Variants in RBM26 observed in about 807,000 individuals in gnomAD.
The protein encoded by RBM26 is RNA-binding protein 26.
RBM26 carries 30 observed loss-of-function variants against 123.6 expected under a neutral mutation model. The observed-to-expected ratio is 0.24, with a 90% CI of 0.18 to 0.33. RBM26 has a LOEUF of 0.33. Among genes scored for constraint, RBM26 ranks in the 10% least tolerant of loss-of-function variants. The probability of loss-of-function intolerance (pLI) is 1.00; values close to 1 mark genes in which losing one functional copy is unlikely to be tolerated. For synonymous variants in RBM26, 400 were observed against 404.4 expected (o/e 0.99, Z 0.13); for missense variants, 947 against 1,203.6 (o/e 0.79, Z 3.15).
At position 79,359,677 on chromosome 13, in the gene RBM26, G is replaced by A. The variant is rs1257700667; in HGVS notation, c.1427C>T (p.Pro476Leu). Residue 476 changes from proline to leucine, a missense_variant, in exon 10 of 22, where the codon CCC becomes CTC. Physicochemically the swap from Pro to Leu is moderately conservative, Grantham distance 98. This residue lies in a region of RBM26 where 493 missense variants were observed against 563.1 expected (regional missense o/e 0.88). Transcript: ENST00000438737. ...DMDLPPREKP[P>L]NKSSMRIVVD... The stretch of plus-strand genomic sequence containing the variant: ...TACTATCCTCATACTGCTTTTATTG[G>A]GAGGCTTTTCTGTTTTAAAACAAAA... The A allele has an allele frequency of 6.5e-7, 1 of 1,535,702 alleles. No homozygotes were observed. Among genetic ancestry groups the A allele is most frequent in the South Asian group, 1.3e-5 (1 of 78,700 alleles).
chr13:79,354,116 T>G (rs1283532546), intron 13 of RBM26, among the ~76,000 whole-genome samples: 1 of 152,146 alleles, frequency 6.6e-6, no homozygotes, highest in Non-Finnish European at 1.5e-5. Flanking sequence ...AAAAATAAGA[T>G]TTAATGTACT....
At chr13:79,374,904 A>G (rs891803969) in intron 3 of RBM26, among the ~76,000 whole-genome samples, 5 of 151,598 alleles carry the variant, frequency 3.3e-5, no homozygotes, top group African/African-American at 1.2e-4. Flanking sequence ...ACATCAATAG[A>G]TAATAAGACT....
chr13:79,405,770 A>G lies in RBM26; in HGVS notation c.5T>C (p.Val2Ala). The change falls in exon 1 of 22, where the codon GTT (valine) becomes GCT (alanine). Residue 2 changes from valine to alanine, a missense_variant. This residue lies in a region of RBM26 where 275 missense variants were observed against 361.0 expected (regional missense o/e 0.76). Coordinates refer to ENST00000438737, the MANE Select transcript of RBM26 (RefSeq NM_001366735.2). M[V>A]SKMIIENFEA... ...GAAGTTTTCAATGATCATTTTAGAA[A>G]CCATCCACAGCGGCCCTAAGGCCCG... 6.3e-7 allele frequency: 1 copy of G among 1,589,132 alleles called. No individual in the cohort carries two copies.
chr13:79,339,379 T>C (rs2070993629), intron 18 of RBM26, among the ~76,000 whole-genome samples: 1 of 152,104 alleles, frequency 6.6e-6, no homozygotes, highest in Admixed American at 6.5e-5. Context: ...TAATAATTAT[T>C]GTATACTTGA....
intron 1 of RBM26, among the ~76,000 whole-genome samples, chr13:79,386,507 A>T (rs1484779045): frequency 6.6e-6 from 1 of 151,104 alleles, no homozygotes; most frequent in Non-Finnish European, 1.5e-5. Context: ...TTCAGTGCAA[A>T]CAGCAGCAGC....
intron 6 of RBM26, 35 bp downstream of exon 6, chr13:79,368,695 A>G: frequency 6.3e-7 from 1 of 1,579,988 alleles, no homozygotes; most frequent in Non-Finnish European, 8.6e-7. Flanking sequence ...TGGAAATATT[A>G]ATTAAATACT....
At chr13:79,400,985 T>C (rs2079016409) in intron 1 of RBM26, among the ~76,000 whole-genome samples, 2 of 152,312 alleles carry the variant, frequency 1.3e-5, no homozygotes, top group African/African-American at 4.8e-5. Flanking sequence ...ACTAGAAGCG[T>C]TTTATCTTTT....
At position 79,378,753 on chromosome 13, in the gene RBM26, T is replaced by C. The variant is rs182246005; in HGVS notation, c.190+36A>G. The C allele has an allele frequency of 1.9e-3, 2,515 of 1,317,510 alleles. 6 individuals carry two copies. Among genetic ancestry groups the C allele is most frequent in the Middle Eastern group, 7.8e-3 (36 of 4,590 alleles). The allele number at this position is 1,317,510 out of a possible 1,614,324, so 81.6% of individuals were successfully genotyped here. On this transcript the variant is annotated intron_variant, in intron 2 of 21. Coordinates refer to ENST00000438737, the MANE Select transcript of RBM26 (RefSeq NM_001366735.2). The stretch of plus-strand genomic sequence containing the variant: ...CCATGCCAAGCCTTAAATAACTTTT[T>C]AAAATATAGTAGTATTTTTAAACCA...
rs368166350 is a variant in RBM26 at position 79,374,369 on chromosome 13, G to A, written c.328-2439C>T. Among the ~76,000 whole-genome samples, 11 of 152,164 alleles carry A rather than the reference G, an allele frequency of 7.2e-5. No individual in the cohort carries two copies. In the East Asian group the frequency reaches 1.7e-3, roughly 24 times the overall value. ...CTGTAATCCCAAAAGGGGATTACAG[G>A]AGGGATACTTGGGAGGCTGAGAGAG... On this transcript the variant is annotated intron_variant, in intron 3 of 21. Coordinates refer to ENST00000438737, the MANE Select transcript of RBM26 (RefSeq NM_001366735.2).
At chr13:79,361,046 C>T (rs1303410178) in intron 9 of RBM26, among the ~76,000 whole-genome samples, 1 of 152,128 alleles carries the variant, frequency 6.6e-6, no homozygotes, top group Admixed American at 6.6e-5. Context: ...AGAGCATATA[C>T]TCAATTCTAA....
At position 79,377,393 on chromosome 13, in the gene RBM26, T is replaced by A; in HGVS notation, c.313A>T (p.Ile105Leu). ...VEFFPHQEKD[I>L]KKEEITKEEE... is the part of the protein sequence containing the mutation. Reference sequence around the variant, plus strand: ...CAAATCGTTACCTCTTCCTTCTTTATATCTTTTTCTTGGTGTGGAAAAAAT... The same window carrying A: ...CAAATCGTTACCTCTTCCTTCTTTAAATCTTTTTCTTGGTGTGGAAAAAAT... The change falls in exon 3 of 22, where the codon ATA becomes TTA. Residue 105 changes from isoleucine (I) to leucine (L), a missense_variant. Around this residue, in one of 5 missense-constraint regions of RBM26, gnomAD observed 275 missense variants for 361.0 expected, o/e 0.76. Transcript: ENST00000438737. 4 of 1,613,740 alleles carry A rather than the reference T, an allele frequency of 2.5e-6. No individual in the cohort carries two copies. Among genetic ancestry groups the A allele is most frequent in the Non-Finnish European group, 2.5e-6 (3 of 1,179,664 alleles).
intron 1 of RBM26, among the ~76,000 whole-genome samples, chr13:79,399,510 T>C (rs1029520123): frequency 1.3e-5 from 2 of 152,074 alleles, no homozygotes; most frequent in Non-Finnish European, 2.9e-5. Context: ...TTAAGACTCA[T>C]ATAAAAAGTA....
chr13:79,370,230 C>T (rs910615945), intron 5 of RBM26, among the ~76,000 whole-genome samples: 1 of 152,130 alleles, frequency 6.6e-6, no homozygotes, highest in Admixed American at 6.6e-5. Context: ...GCATGATCAT[C>T]GCTTGAACTC....
rs2075928797 is a variant in RBM26 at position 79,371,950 on chromosome 13, A to AG, written c.328-21_328-20insC. ...AGTGATCTGATTAAAAAAAAAAAAAAAAGTGTACAAGTTTAGTAATTATTC... is the reference window on the plus strand; with the variant it reads ...AGTGATCTGATTAAAAAAAAAAAAAAGAAGTGTACAAGTTTAGTAATTATTC... On this transcript the variant is annotated intron_variant, in intron 3 of 21. Transcript: ENST00000438737. 5.2e-6 allele frequency: 8 copies of AG among 1,527,872 alleles called. No homozygotes were observed. The East Asian group carries it at 1.6e-4, about 30-fold the overall frequency. The allele number at this position is 1,527,872 out of a possible 1,614,324, so 94.6% of individuals were successfully genotyped here.
chr13:79,362,420 A>G (rs887991782), intron 9 of RBM26, among the ~76,000 whole-genome samples: 10 of 152,176 alleles, frequency 6.6e-5, no homozygotes, highest in Admixed American at 3.3e-4. Context: ...GCTTTTAATT[A>G]GCCTCTTACC....
Position 79,360,286 on chromosome 13 carries a change from T to A in RBM26, c.1418-600A>T, listed in dbSNP as rs911507362. On this transcript the variant is annotated intron_variant, in intron 9 of 21. Transcript: ENST00000438737. ...TACACACGAGGAGTCTTGGAACATA[T>A]CACCCACAGACAAAGGGGAATTACT... Among the ~76,000 whole-genome samples, 5 of 152,168 alleles carry A rather than the reference T, an allele frequency of 3.3e-5. No individual in the cohort carries two copies. In the East Asian group the frequency reaches 9.6e-4, roughly 29 times the overall value.
chr13:79,332,638 T>C (rs867088330), intron 20 of RBM26, among the ~76,000 whole-genome samples: 1 of 152,206 alleles, frequency 6.6e-6, no homozygotes, highest in Non-Finnish European at 1.5e-5. Context: ...TTCCTCTAAA[T>C]AGGTAATTCT....
intron 11 of RBM26, among the ~76,000 whole-genome samples, chr13:79,355,776 A>T (rs1199882959): frequency 6.6e-6 from 1 of 152,220 alleles, no homozygotes; most frequent in Non-Finnish European, 1.5e-5. Context: ...ATCTCTAATA[A>T]AAAATTACAG....
chr13:79,375,096 T>TTATATATCATATAAATATATATTTATATA (rs1555332782), intron 3 of RBM26, among the ~76,000 whole-genome samples: 2 of 95,294 alleles, frequency 2.1e-5, no homozygotes, highest in African/African-American at 7.4e-5. Context: ...AAATATATAT[T>TTATATATCATATAAATATATATTTATATA]TATATATATC....
Sources: gnomAD v4.1 joint callset for allele counts (sites outside exome capture counted in the v4.1 genomes callset) on GRCh38, gnomAD v4.1.1 for gene constraint, gnomAD v4.1.1 regional missense constraint, MANE v1.5 for transcripts, NCBI Gene and HGNC (gene_info 2026-07-23, HGNC 2026-07-21) for gene names.